DMD: variants seen among roughly 807,000 people sequenced by gnomAD.
DMD encodes the protein mutant dystrophin.
DMD carries 63 observed loss-of-function variants against 330.1 expected under a neutral mutation model. The observed-to-expected ratio is 0.19, with a 90% confidence interval of 0.16 to 0.24. The LOEUF (loss-of-function observed/expected upper bound fraction) is 0.24, where lower values mean the gene tolerates loss of function less well. Ranked by LOEUF, DMD falls within the 10% of genes least tolerant of loss-of-function variation. DMD has a pLI of 1.00. For missense variants in DMD, 3,344 were observed against 2,684.1 expected, an observed-to-expected ratio of 1.25 and a Z score of -5.43; for synonymous variants, 1,223 against 959.8, an observed-to-expected ratio of 1.27 and a Z score of -5.07.
rs2036428734 is a variant in DMD, at chrX:31,144,309, C to T, written c.10921+1982G>A. ...ACTGTCGTCAGGATCTGGACCTCAC[C>T]CCTCTGCTGATAAGCTCAGCAACGT... On this transcript the variant is annotated intron_variant, in intron 76 of 78. Coordinates refer to ENST00000357033, the MANE Select transcript of DMD (RefSeq NM_004006.3). Among the ~76,000 whole-genome samples, 3 of 111,939 alleles carry T rather than the reference C, an allele frequency of 2.7e-5. No individual in the cohort carries two copies. The South Asian group carries it at 1.1e-3, about 42-fold the overall frequency.
intron 25 of DMD, among the ~76,000 whole-genome samples, chrX:32,460,675 C>G (rs769673555): frequency 2.7e-5 from 3 of 111,040 alleles, no homozygotes; most frequent in Middle Eastern, 8.6e-3. Flanking sequence ...CATTTTCTGG[C>G]AGAATTCCTT....
chrX:33,316,792 T>G (rs1027848250), intron 1 of DMD, among the ~76,000 whole-genome samples: 1 of 110,926 alleles, frequency 9.0e-6, no homozygotes, highest in African/African-American at 3.3e-5. Flanking sequence ...AGTCATGAAA[T>G]CTATAGATCG....
chrX:32,274,966 T>C (rs999153406), intron 43 of DMD, among the ~76,000 whole-genome samples: 1 of 111,844 alleles, frequency 8.9e-6, no homozygotes, highest in Non-Finnish European at 1.9e-5. Context: ...GCATCAATAG[T>C]CAAATCACAC....
At chrX:31,820,140 T>C in intron 49 of DMD, 57 bp from the exon 50 acceptor site, 2 of 965,572 alleles carry the variant, frequency 2.1e-6, no homozygotes, top group Non-Finnish European at 3.0e-6. Context: ...AGATAATTCA[T>C]GAACATCTTA....
chrX:31,254,229 G>A (rs2049693782), intron 63 of DMD, among the ~76,000 whole-genome samples: 2 of 111,567 alleles, frequency 1.8e-5, no homozygotes, highest in South Asian at 7.5e-4. Flanking sequence ...TCATAAACTG[G>A]TCTTCTTGTA....
chrX:31,510,848 C>T (rs1437280538), intron 55 of DMD, among the ~76,000 whole-genome samples: 2 of 110,951 alleles, frequency 1.8e-5, no homozygotes, highest in African/African-American at 6.6e-5. Context: ...ATTGGGCATC[C>T]TGGACCACCT....
At chrX:31,524,685 C>G (rs2073113172) in intron 55 of DMD, among the ~76,000 whole-genome samples, 1 of 112,181 alleles carries the variant, frequency 8.9e-6, no homozygotes, top group African/African-American at 3.2e-5. Context: ...ACCCTTCTCC[C>G]TTCGTTCTGT....
intron 1 of DMD, among the ~76,000 whole-genome samples, chrX:33,295,031 T>C (rs1482003885): frequency 1.8e-5 from 2 of 111,348 alleles, no homozygotes; most frequent in Non-Finnish European, 3.8e-5. Context: ...CAACAGAGAC[T>C]TTGAAATTAA....
At chrX:31,879,695 T>G in intron 47 of DMD, among the ~76,000 whole-genome samples, 1 of 112,097 alleles carries the variant, frequency 8.9e-6, no homozygotes, top group East Asian at 2.8e-4. Context: ...ACATATTTTT[T>G]TTGTGCTCTT....
At chrX:31,456,304 C>A (rs1432972527) in intron 59 of DMD, among the ~76,000 whole-genome samples, 1 of 112,161 alleles carries the variant, frequency 8.9e-6, no homozygotes, top group Non-Finnish European at 1.9e-5. Context: ...TATAGTCACA[C>A]AAGTTCCTAT....
At chrX:32,651,050 G>T (rs1351693417) in intron 9 of DMD, among the ~76,000 whole-genome samples, 1 of 111,848 alleles carries the variant, frequency 8.9e-6, no homozygotes, top group Non-Finnish European at 1.9e-5. Context: ...TCCAAAACAC[G>T]TCTTTATCCC....
At chrX:33,204,617 C>T (rs1051597244) in intron 1 of DMD, among the ~76,000 whole-genome samples, 4 of 111,604 alleles carry the variant, frequency 3.6e-5, no homozygotes, top group African/African-American at 1.3e-4. Context: ...TTAATATGCA[C>T]ATCCTCCTTG....
At chrX:31,339,692 C>T (rs769153690) in intron 61 of DMD, among the ~76,000 whole-genome samples, 1 of 111,972 alleles carries the variant, frequency 8.9e-6, no homozygotes, top group African/African-American at 3.2e-5. Flanking sequence ...TCTCCTGCCT[C>T]AGCCTCTCGA....
chrX:32,675,477 T>A (rs1350085288), intron 9 of DMD, among the ~76,000 whole-genome samples: 1 of 111,937 alleles, frequency 8.9e-6, no homozygotes, highest in Non-Finnish European at 1.9e-5. Context: ...AACCTGCCTG[T>A]ATTTTACCTT....
intron 50 of DMD, among the ~76,000 whole-genome samples, chrX:31,814,482 CAAAAAAAAAAAAAAAAAA>C (rs151208391): frequency 6.9e-5 from 2 of 28,993 alleles, no homozygotes; most frequent in Admixed American, 6.7e-4. Flanking sequence ...GACTCCGTCT[CAAAAAAAAAAAAAAAAAA>C]AAAAAAAAAA....
chrX:31,490,370 G>C (rs1250162477), intron 57 of DMD, among the ~76,000 whole-genome samples: 1 of 111,194 alleles, frequency 9.0e-6, no homozygotes, highest in Non-Finnish European at 1.9e-5. Context: ...AGACCATCCT[G>C]GCTAACACGG....
intron 4 of DMD, among the ~76,000 whole-genome samples, chrX:32,839,730 ATTTTT>A (rs61327287): frequency 1.4e-4 from 15 of 103,878 alleles, no homozygotes; most frequent in Non-Finnish European, 2.4e-4. Flanking sequence ...AAGATAATGC[ATTTTT>A]TTTTTTTCAC....
intron 1 of DMD, among the ~76,000 whole-genome samples, chrX:33,140,582 G>C (rs2047743963): frequency 8.9e-6 from 1 of 111,987 alleles, no homozygotes; most frequent in South Asian, 3.7e-4. Context: ...ATGGGAATTG[G>C]ACTAAATAAC....
chrX:31,448,560 AAATT>A (rs1479737539), intron 59 of DMD, among the ~76,000 whole-genome samples: 1 of 112,579 alleles, frequency 8.9e-6, no homozygotes, highest in Non-Finnish European at 1.9e-5. Flanking sequence ...ATTTGTGTTT[AAATT>A]ATTAAACACT....
Sources: gnomAD v4.1 joint callset for allele counts (sites outside exome capture counted in the v4.1 genomes callset) on GRCh38, gnomAD v4.1.1 for gene constraint, MANE v1.5 for transcripts, NCBI Gene and HGNC (gene_info 2026-07-23, HGNC 2026-07-21) for gene names.